Variants in TMEM132C observed in about 807,000 individuals in gnomAD.
The protein encoded by TMEM132C is protein phosphatase 1, regulatory subunit 152.
A neutral mutation model predicts 61.4 loss-of-function variants in TMEM132C; 29 were observed. The observed-to-expected ratio is 0.47, with a 90% CI of 0.35 to 0.64. TMEM132C has a LOEUF of 0.64. Among genes scored for constraint, TMEM132C ranks in the 30% least tolerant of loss-of-function variants. The pLI is 0.00. For missense variants in TMEM132C, 1,408 were observed against 1,476.9 expected (o/e 0.95, Z 0.76); for synonymous variants, 656 against 633.1 (o/e 1.04, Z -0.54).
At chr12:128,349,475 G>C (rs1418963456) in intron 1 of TMEM132C, among the ~76,000 whole-genome samples, 1 of 152,158 alleles carries the variant, frequency 6.6e-6, no homozygotes, top group Non-Finnish European at 1.5e-5. Flanking sequence ...GATCACGGGG[G>C]TTGGGGGTTT....
intron 3 of TMEM132C, among the ~76,000 whole-genome samples, chr12:128,560,503 A>G (rs539538493): frequency 6.6e-6 from 1 of 152,278 alleles, no homozygotes; most frequent in African/African-American, 2.4e-5. Flanking sequence ...TTGCATGACC[A>G]GATTATTCTA....
intron 1 of TMEM132C, among the ~76,000 whole-genome samples, chr12:128,341,906 A>G (rs1872987123): frequency 6.6e-6 from 1 of 152,100 alleles, no homozygotes; most frequent in African/African-American, 2.4e-5. Context: ...ATATCTATAT[A>G]TTACAGTCCA....
intron 1 of TMEM132C, among the ~76,000 whole-genome samples, chr12:128,369,621 C>T (rs1420774210): frequency 1.3e-5 from 2 of 152,182 alleles, no homozygotes; most frequent in Non-Finnish European, 2.9e-5. Context: ...TCATTACTTC[C>T]AATTCATTTG....
chr12:128,551,317 T>A (rs1300686673), intron 3 of TMEM132C, among the ~76,000 whole-genome samples: 1 of 151,940 alleles, frequency 6.6e-6, no homozygotes, highest in African/African-American at 2.4e-5. Flanking sequence ...GAGTGCCGTC[T>A]CCCTGTAACC....
At chr12:128,621,513 A>C (rs1208707627) in intron 4 of TMEM132C, among the ~76,000 whole-genome samples, 1 of 152,198 alleles carries the variant, frequency 6.6e-6, no homozygotes, top group Non-Finnish European at 1.5e-5. Context: ...AGCCTAGGAG[A>C]GAGGCAAGGA....
intron 3 of TMEM132C, among the ~76,000 whole-genome samples, chr12:128,592,490 A>G (rs78529938): frequency 0.073 from 11,162 of 152,278 alleles, 1,366 homozygotes; most frequent in African/African-American, 0.25. Context: ...GAATGAGTGA[A>G]GTTCATTATC....
At chr12:128,689,509 G>A (rs1482532699) in intron 5 of TMEM132C, among the ~76,000 whole-genome samples, 5 of 152,116 alleles carry the variant, frequency 3.3e-5, no homozygotes, top group Non-Finnish European at 5.9e-5. Flanking sequence ...TACAAGAAAC[G>A]TGCATTTGAT....
intron 1 of TMEM132C, among the ~76,000 whole-genome samples, chr12:128,340,856 T>TCTTTCTTCCTTC (rs1555218715): frequency 0.015 from 2,169 of 147,342 alleles, 61 homozygotes; most frequent in African/African-American, 0.052. Context: ...TCTCTTTCTT[T>TCTTTCTTCCTTC]CTTCCTTCCT....
chr12:128,492,333 C>A (rs1364334257), intron 2 of TMEM132C, among the ~76,000 whole-genome samples: 1 of 152,146 alleles, frequency 6.6e-6, no homozygotes, highest in African/African-American at 2.4e-5. Flanking sequence ...GCCTTTATAG[C>A]AGCATGATTT....
At chr12:128,524,753 G>C (rs754242541) in intron 2 of TMEM132C, among the ~76,000 whole-genome samples, 3 of 152,132 alleles carry the variant, frequency 2.0e-5, no homozygotes, top group Non-Finnish European at 4.4e-5. Flanking sequence ...AGGTGGAAAC[G>C]CCATGTCTCC....
At chr12:128,343,147 C>T (rs74883314) in intron 1 of TMEM132C, among the ~76,000 whole-genome samples, 5,779 of 152,096 alleles carry the variant, frequency 0.038, 251 homozygotes, top group African/African-American at 0.11. Flanking sequence ...GAGCTGTGGC[C>T]AGGTGCGATG....
intron 2 of TMEM132C, among the ~76,000 whole-genome samples, chr12:128,535,142 C>T (rs183105242): frequency 6.6e-6 from 1 of 152,266 alleles, no homozygotes; most frequent in Non-Finnish European, 1.5e-5. Context: ...TCCTGGCCTC[C>T]TGGTGTTCAG....
At chr12:128,652,332 G>T (rs922173433) in intron 4 of TMEM132C, among the ~76,000 whole-genome samples, 1 of 152,202 alleles carries the variant, frequency 6.6e-6, no homozygotes, top group East Asian at 1.9e-4. Flanking sequence ...CTTCCTCCGG[G>T]ATGGGAAGTG....
chr12:128,503,231 C>T (rs1872241132), intron 2 of TMEM132C, among the ~76,000 whole-genome samples: 1 of 152,214 alleles, frequency 6.6e-6, no homozygotes, highest in Admixed American at 6.5e-5. Flanking sequence ...GATACATTAT[C>T]TATGCATGGG....
chr12:128,589,760 C>CA (rs1875686293), intron 3 of TMEM132C, among the ~76,000 whole-genome samples: 1 of 149,404 alleles, frequency 6.7e-6, no homozygotes, highest in South Asian at 2.1e-4. Flanking sequence ...ATTTGAATTC[C>CA]TTTTTTTTCC....
chr12:128,314,227 A>C (rs533567061), intron 1 of TMEM132C, among the ~76,000 whole-genome samples: 1 of 152,360 alleles, frequency 6.6e-6, no homozygotes, highest in East Asian at 1.9e-4. Context: ...AAAAGAAGGA[A>C]GAAATGTGTT....
rs11463008 is a variant in TMEM132C at position 128,469,330 on chromosome 12, C to CTTT, written c.974+53724_974+53726dup. 3.1e-4 allele frequency among the ~76,000 whole-genome samples: 42 copies of CTTT among 135,464 alleles called. 1 individual carries two copies. In the East Asian group the frequency reaches 3.8e-3, roughly 12 times the overall value. 88.9% of individuals were successfully genotyped at this position (135,464 alleles called of 152,430 possible). A position where few individuals can be genotyped will look rare whatever the true frequency, so the allele number is the denominator to read the frequency against. ...CACACAAGTAATATCATAAAGCATG[C>CTTT]TTTTTTTTTTTTTTTTGACAGGATC... On this transcript the variant is annotated intron_variant, in intron 2 of 8. Coordinates refer to ENST00000435159, the MANE Select transcript of TMEM132C (RefSeq NM_001136103.3).
At chr12:128,449,310 C>T (rs561431832) in intron 2 of TMEM132C, among the ~76,000 whole-genome samples, 1 of 152,230 alleles carries the variant, frequency 6.6e-6, no homozygotes, top group East Asian at 1.9e-4. Context: ...CAGTCACTCC[C>T]TATAGTGCCT....
At chr12:128,619,324 C>T (rs574269177) in intron 4 of TMEM132C, among the ~76,000 whole-genome samples, 13 of 152,312 alleles carry the variant, frequency 8.5e-5, no homozygotes, top group Non-Finnish European at 1.6e-4. Flanking sequence ...CTTTTTAAAT[C>T]CAAGGAGAGA....
Sources: gnomAD v4.1 joint callset for allele counts (sites outside exome capture counted in the v4.1 genomes callset) on GRCh38, gnomAD v4.1.1 for gene constraint, MANE v1.5 for transcripts, NCBI Gene and HGNC (gene_info 2026-07-23, HGNC 2026-07-21) for gene names.